CNTNAP5: variants seen among roughly 807,000 people sequenced by gnomAD.
The protein encoded by CNTNAP5 is contactin associated protein family member 5, also known as contactin-associated protein-like 5.
A neutral mutation model predicts 150.2 loss-of-function variants in CNTNAP5; 72 were observed. The observed-to-expected ratio is 0.48, with a 90% CI of 0.40 to 0.58. The LOEUF is 0.58. Among genes scored for constraint, CNTNAP5 ranks in the 20% least tolerant of loss-of-function variants. The pLI is 0.00. For synonymous variants in CNTNAP5, 672 were observed against 619.8 expected (o/e 1.08, Z -1.25); for missense variants, 1,636 against 1,626.2 (o/e 1.01, Z -0.10).
intron 7 of CNTNAP5, among the ~76,000 whole-genome samples, chr2:124,482,619 C>CGAA (rs1168631598): frequency 6.6e-6 from 1 of 151,966 alleles, no homozygotes; most frequent in Non-Finnish European, 1.5e-5. Context: ...TGTTATTTGC[C>CGAA]GAAGAAATCT....
intron 1 of CNTNAP5, among the ~76,000 whole-genome samples, chr2:124,060,903 A>C (rs17010800): frequency 6.6e-6 from 1 of 152,098 alleles, no homozygotes; most frequent in African/African-American, 2.4e-5. Context: ...TTTATGACAG[A>C]AAAAACATGC....
At chr2:124,731,185 A>AT in intron 13 of CNTNAP5, among the ~76,000 whole-genome samples, 1 of 152,054 alleles carries the variant, frequency 6.6e-6, no homozygotes, top group Non-Finnish European at 1.5e-5. Context: ...TGAATAGAGA[A>AT]TTTTTGTTTG....
intron 3 of CNTNAP5, among the ~76,000 whole-genome samples, chr2:124,398,930 A>C (rs1259365623): frequency 1.3e-5 from 2 of 152,196 alleles, no homozygotes; most frequent in African/African-American, 2.4e-5. Flanking sequence ...TGGGCTGTAT[A>C]CCAGGTATTT....
At chr2:124,276,834 A>G (rs183857646) in intron 3 of CNTNAP5, among the ~76,000 whole-genome samples, 1 of 152,312 alleles carries the variant, frequency 6.6e-6, no homozygotes, top group African/African-American at 2.4e-5. Context: ...AAAACCCAGT[A>G]ACATGTAAAA....
intron 1 of CNTNAP5, among the ~76,000 whole-genome samples, chr2:124,127,839 G>A (rs2104595964): frequency 6.6e-6 from 1 of 152,206 alleles, no homozygotes; most frequent in East Asian, 1.9e-4. Flanking sequence ...AATGTTGCTG[G>A]GAAAACTGGC....
chr2:124,774,714 A>G (rs1681282177), intron 17 of CNTNAP5, among the ~76,000 whole-genome samples: 1 of 152,204 alleles, frequency 6.6e-6, no homozygotes, highest in South Asian at 2.1e-4. Flanking sequence ...ATTCCATGCC[A>G]AAGTTTAATT....
At chr2:124,491,731 C>G (rs922466548) in intron 7 of CNTNAP5, among the ~76,000 whole-genome samples, 3 of 151,838 alleles carry the variant, frequency 2.0e-5, no homozygotes, top group Admixed American at 2.0e-4. Context: ...TTCCCTTTCT[C>G]TACATTCTCA....
At chr2:124,150,117 AT>A (rs1039568448) in intron 1 of CNTNAP5, among the ~76,000 whole-genome samples, 4 of 152,060 alleles carry the variant, frequency 2.6e-5, no homozygotes, top group Middle Eastern at 3.4e-3. Context: ...CCTAATCAGA[AT>A]TTTTTTTTCT....
intron 3 of CNTNAP5, among the ~76,000 whole-genome samples, chr2:124,325,413 A>G (rs952404061): frequency 2.0e-5 from 3 of 152,246 alleles, no homozygotes; most frequent in African/African-American, 7.2e-5. Context: ...TTAAACTGGT[A>G]TCATTACCAC....
At chr2:124,329,330 T>A (rs1442510400) in intron 3 of CNTNAP5, among the ~76,000 whole-genome samples, 1 of 152,188 alleles carries the variant, frequency 6.6e-6, no homozygotes. Flanking sequence ...TTGATAAGAC[T>A]CTTACGAAGC....
At chr2:124,425,189 G>C (rs1437254136) in intron 4 of CNTNAP5, among the ~76,000 whole-genome samples, 1 of 152,194 alleles carries the variant, frequency 6.6e-6, no homozygotes, top group African/African-American at 2.4e-5. Context: ...AAGTGGCTTA[G>C]TCTGTGCCCA....
intron 6 of CNTNAP5, among the ~76,000 whole-genome samples, chr2:124,459,617 T>C (rs553079132): frequency 5.3e-5 from 8 of 151,940 alleles, no homozygotes; most frequent in African/African-American, 1.9e-4. Flanking sequence ...CTGGGCATGG[T>C]GCACACGCCT....
At chr2:124,573,138 C>T (rs1696204417) in intron 11 of CNTNAP5, among the ~76,000 whole-genome samples, 1 of 152,202 alleles carries the variant, frequency 6.6e-6, no homozygotes, top group Non-Finnish European at 1.5e-5. Context: ...ATTACAACAT[C>T]TTAAGTGCAT....
chr2:124,355,664 G>T (rs1193680789), intron 3 of CNTNAP5, among the ~76,000 whole-genome samples: 1 of 152,124 alleles, frequency 6.6e-6, no homozygotes, highest in Non-Finnish European at 1.5e-5. Flanking sequence ...TCTACTTTCA[G>T]GAGTGAGCTC....
At chr2:124,858,164 T>A (rs887669304) in intron 19 of CNTNAP5, among the ~76,000 whole-genome samples, 2 of 152,156 alleles carry the variant, frequency 1.3e-5, no homozygotes, top group Admixed American at 6.5e-5. Flanking sequence ...ATGCCCTCTC[T>A]CACCACTCCT....
At chr2:124,738,925 T>C (rs1680444769) in intron 13 of CNTNAP5, among the ~76,000 whole-genome samples, 2 of 152,228 alleles carry the variant, frequency 1.3e-5, no homozygotes, top group Admixed American at 6.5e-5. Context: ...AGCAAAAAAT[T>C]GTACAATAAA....
At chr2:124,273,426 CATTTA>C (rs775458446) in intron 3 of CNTNAP5, among the ~76,000 whole-genome samples, 9 of 152,194 alleles carry the variant, frequency 5.9e-5, no homozygotes, top group Non-Finnish European at 1.2e-4. Context: ...CTCTCGTCCT[CATTTA>C]ATTTGTCAGC....
chr2:124,683,963 C>T (rs538805931), intron 13 of CNTNAP5, among the ~76,000 whole-genome samples: 9 of 152,060 alleles, frequency 5.9e-5, no homozygotes, highest in Admixed American at 3.3e-4. Flanking sequence ...TTTCTTTCTC[C>T]GCACAAGGCC....
intron 10 of CNTNAP5, among the ~76,000 whole-genome samples, chr2:124,556,350 A>C (rs574816511): frequency 6.6e-6 from 1 of 152,252 alleles, no homozygotes; most frequent in African/African-American, 2.4e-5. Context: ...AAGTTTTTTC[A>C]AGCTTCTTGG....
Sources: allele counts gnomAD v4.1 joint callset (sites outside exome capture counted in the v4.1 genomes callset), GRCh38; gene constraint gnomAD v4.1.1; transcripts MANE v1.5; gene names NCBI Gene and HGNC (gene_info 2026-07-23, HGNC 2026-07-21).